The following SPRED1 variants were observed in gnomAD, a reference collection of about 807,000 sequenced individuals.
The protein encoded by SPRED1 is sprouty-related, EVH1 domain-containing protein 1.
A neutral mutation model predicts 52.3 loss-of-function variants in SPRED1; 18 were observed. The observed-to-expected ratio is 0.34, with a 90% confidence interval of 0.24 to 0.51. SPRED1 has a LOEUF of 0.51. Among genes scored for constraint, SPRED1 ranks in the 20% least tolerant of loss-of-function variants. The probability of loss-of-function intolerance (pLI) is 0.97; values close to 1 mark genes in which losing one functional copy is unlikely to be tolerated. For synonymous variants in SPRED1, 155 were observed against 179.7 expected, an observed-to-expected ratio of 0.86 and a Z score of 1.10; for missense variants, 485 against 551.0, an observed-to-expected ratio of 0.88 and a Z score of 1.20.
intron 1 of SPRED1, among the ~76,000 whole-genome samples, chr15:38,275,903 A>C (rs1425183966): frequency 6.6e-6 from 1 of 152,238 alleles, no homozygotes; most frequent in East Asian, 1.9e-4. Context: ...GTAAACTTGG[A>C]CCTTCTTATT....
At chr15:38,259,926 C>G (rs547188974) in intron 1 of SPRED1, among the ~76,000 whole-genome samples, 2 of 152,152 alleles carry the variant, frequency 1.3e-5, no homozygotes, top group Admixed American at 6.5e-5. Context: ...TAATGGATTT[C>G]ACGCTAAGGT....
Position 38,356,594 on chromosome 15 carries a change from A to G in SPRED1, c.*4930A>G, listed in dbSNP as rs1888626986. 2 of 152,126 alleles carry G rather than the reference A, an allele frequency of 1.3e-5. No individual in the cohort carries two copies. Among genetic ancestry groups the G allele is most frequent in the African/African-American group, 4.8e-5 (2 of 41,452 alleles). The allele number at this position is 152,126 out of a possible 1,614,324, so 9.4% of individuals were successfully genotyped here. On this transcript the variant is annotated 3_prime_UTR_variant, in exon 7 of 7. Coordinates refer to ENST00000299084, the MANE Select transcript of SPRED1 (RefSeq NM_152594.3). ...ATACTTTTAAACTGAAAGTTCACAT[A>G]TAGTTCATCTTAATAACATATTTAT...
chr15:38,308,901 AC>A (rs2140985274), intron 2 of SPRED1, among the ~76,000 whole-genome samples: 1 of 152,232 alleles, frequency 6.6e-6, no homozygotes, highest in South Asian at 2.1e-4. Flanking sequence ...AAACTGCAAA[AC>A]TTTTTTCTAG....
chr15:38,325,834 G>C (rs1021487741), intron 4 of SPRED1: 9 of 152,120 alleles, frequency 5.9e-5, no homozygotes, highest in Non-Finnish European at 8.8e-5. Flanking sequence ...GGAACCCTGA[G>C]CCAAAACCAT....
chr15:38,341,230 T>G (rs1896023961), intron 5 of SPRED1, among the ~76,000 whole-genome samples: 1 of 151,978 alleles, frequency 6.6e-6, no homozygotes. Flanking sequence ...GCTTAGGGGT[T>G]GATAAATTTT....
intron 5 of SPRED1, among the ~76,000 whole-genome samples, chr15:38,343,214 T>C (rs1295128901): frequency 6.6e-6 from 1 of 152,048 alleles, no homozygotes; most frequent in Non-Finnish European, 1.5e-5. Flanking sequence ...GATTAAGAGG[T>C]GTGCATGACT....
chr15:38,283,938 G>A (rs530359554), intron 1 of SPRED1, among the ~76,000 whole-genome samples: 120 of 152,154 alleles, frequency 7.9e-4, no homozygotes, highest in African/African-American at 2.8e-3. Flanking sequence ...ACTATTAAAT[G>A]TTTATTATTA....
chr15:38,328,392 T>G (rs1349959894), intron 4 of SPRED1, among the ~76,000 whole-genome samples: 2 of 152,218 alleles, frequency 1.3e-5, no homozygotes, highest in African/African-American at 4.8e-5. Context: ...ATTTCCTTCA[T>G]AAGCTATTGG....
rs571652575 is a variant in SPRED1 at position 38,294,526 on chromosome 15, T to A, written c.33-4847T>A. On this transcript the variant is annotated intron_variant, in intron 1 of 6. Transcript: ENST00000299084. ...AGTGACTTAAAACAACAGAAATTTA[T>A]TATATTTTAGCCTGGAGGTCAGAAA... 7.2e-5 allele frequency among the ~76,000 whole-genome samples: 11 copies of A among 152,302 alleles called. No homozygotes were observed. In the South Asian group the frequency reaches 1.9e-3, roughly 26 times the overall value.
chr15:38,349,338 T>C, intron 5 of SPRED1, 84 bp from the exon 6 acceptor site: 1 of 1,030,264 alleles, frequency 9.7e-7, no homozygotes, highest in Non-Finnish European at 1.5e-6. Context: ...GCTAATAAAT[T>C]ATGAGGTTTT....
chr15:38,324,658 C>G, intron 3 of SPRED1, 105 bp from the exon 4 acceptor site: 3 of 894,966 alleles, frequency 3.4e-6, no homozygotes, highest in Non-Finnish European at 5.2e-6. Flanking sequence ...AGAAAGATCT[C>G]TGATTAGTCT....
intron 2 of SPRED1, among the ~76,000 whole-genome samples, chr15:38,304,511 T>C (rs570611529): frequency 6.6e-6 from 1 of 152,340 alleles, no homozygotes; most frequent in East Asian, 1.9e-4. Context: ...TTACAAGTTA[T>C]TAGTCTATCA....
intron 1 of SPRED1, among the ~76,000 whole-genome samples, chr15:38,282,345 GCA>G (rs1566854071): frequency 5.9e-5 from 1 of 16,872 alleles, no homozygotes; most frequent in African/African-American, 1.8e-4. Context: ...ACACACACAT[GCA>G]CACACACAAG....
At chr15:38,271,137 C>T (rs1190288921) in intron 1 of SPRED1, among the ~76,000 whole-genome samples, 2 of 151,994 alleles carry the variant, frequency 1.3e-5, no homozygotes, top group East Asian at 1.9e-4. Flanking sequence ...CCTAATTATC[C>T]GTGTATCATG....
Position 38,351,305 on chromosome 15 carries a change from A to C in SPRED1, c.976A>C (p.Arg326=). Residue 326 remains arginine (R), a synonymous_variant, in exon 7 of 7, where the codon AGA becomes CGA. Transcript: ENST00000299084. ...ATTAAAAATTAAGAAGTCAAAACGA[A>C]GAAAAGAGGATGGTGAACGTTCTCG... ...SSLKIKKSKR[R]KEDGERSRCV... is the part of the protein sequence containing the mutation. 6.2e-7 allele frequency: 1 copy of C among 1,614,158 alleles called. No individual in the cohort carries two copies. The highest frequency in any genetic ancestry group is 8.5e-7 in the Non-Finnish European group (1 of 1,180,020).
At chr15:38,333,953 G>C (rs1378877321) in intron 4 of SPRED1, among the ~76,000 whole-genome samples, 1 of 152,016 alleles carries the variant, frequency 6.6e-6, no homozygotes, top group Non-Finnish European at 1.5e-5. Flanking sequence ...TTGAATTTTA[G>C]TCTCTTCATA....
intron 3 of SPRED1, among the ~76,000 whole-genome samples, chr15:38,323,236 T>C (rs1323626853): frequency 2.0e-5 from 3 of 152,148 alleles, no homozygotes; most frequent in African/African-American, 7.2e-5. Flanking sequence ...GGAAATACAT[T>C]GTACAAATCT....
At chr15:38,311,787 T>A (rs1015021168) in intron 2 of SPRED1, among the ~76,000 whole-genome samples, 1 of 152,176 alleles carries the variant, frequency 6.6e-6, no homozygotes, top group African/African-American at 2.4e-5. Context: ...TGTAATGGAT[T>A]TGTGGCTTTG....
chr15:38,343,488 T>TA (rs1449268206), intron 5 of SPRED1, among the ~76,000 whole-genome samples: 4 of 152,074 alleles, frequency 2.6e-5, no homozygotes, highest in African/African-American at 4.8e-5. Context: ...GAAGTTTAGG[T>TA]AGAGTTACAG....
Sources: gnomAD v4.1 joint callset for allele counts (sites outside exome capture counted in the v4.1 genomes callset) on GRCh38, gnomAD v4.1.1 for gene constraint, MANE v1.5 for transcripts, NCBI Gene and HGNC (gene_info 2026-07-23, HGNC 2026-07-21) for gene names.